The following PCDHGA9 variants were observed in gnomAD, a reference collection of about 807,000 sequenced individuals.
The protein encoded by PCDHGA9 is protocadherin gamma subfamily A, 9, also known as protocadherin gamma-A9.
Under a neutral mutation model 62.5 loss-of-function variants are expected in PCDHGA9, and 37 were observed. The ratio of observed to expected loss-of-function variants is 0.59; its 90% CI spans 0.46 to 0.78. PCDHGA9 has a LOEUF of 0.78. Among genes scored for constraint, PCDHGA9 ranks in the 30% least tolerant of loss-of-function variants. The pLI is 0.00. For synonymous variants in PCDHGA9, 459 were observed against 484.6 expected (o/e 0.95, Z 0.69); for missense variants, 1,138 against 1,166.2 (o/e 0.98, Z 0.35).
At chr5:141,420,417 A>C (rs112493756) in intron 1 of PCDHGA9, 20 of 1,211,742 alleles carry the variant, frequency 1.7e-5, no homozygotes, top group Admixed American at 1.1e-4. Flanking sequence ...ATCATTATTA[A>C]AACAAAAGTT....
At position 141,511,032 on chromosome 5, in the gene PCDHGA9, G is replaced by T. The variant is rs779589499; in HGVS notation, c.2658G>T (p.Gln886His). 6.2e-7 allele frequency: 1 copy of T among 1,614,228 alleles called. No individual in the cohort carries two copies. Among genetic ancestry groups the T allele is most frequent in the South Asian group, 1.1e-5 (1 of 91,090 alleles). ...GCTACGGACCCCAGTTCACCCTGCAGCACGTGCCCGACTACCGCCAGAATG... is the reference window on the plus strand; with the variant it reads ...GCTACGGACCCCAGTTCACCCTGCATCACGTGCCCGACTACCGCCAGAATG... ...SARYGPQFTLQHVPDYRQNVY... is the reference protein window; with the variant it reads ...SARYGPQFTLHHVPDYRQNVY... Residue 886 changes from glutamine (Q) to histidine (H), a missense_variant, in exon 4 of 4, where the codon CAG (glutamine) becomes CAT (histidine). Gln to His is a conservative substitution (Grantham distance 24, BLOSUM62 0). Coordinates refer to ENST00000573521, the MANE Select transcript of PCDHGA9 (RefSeq NM_018921.3).
chr5:141,435,853 T>C (rs1034164236), intron 1 of PCDHGA9, among the ~76,000 whole-genome samples: 1 of 152,110 alleles, frequency 6.6e-6, no homozygotes, highest in African/African-American at 2.4e-5. Context: ...AAAGATACAA[T>C]AGTTAAAACC....
intron 1 of PCDHGA9, chr5:141,413,459 A>C: frequency 1.9e-6 from 3 of 1,614,080 alleles, no homozygotes; most frequent in Non-Finnish European, 2.5e-6. Flanking sequence ...GGCAGGATAG[A>C]CCGGGAGGAG....
At chr5:141,433,082 T>C in intron 1 of PCDHGA9, 1 of 1,614,188 alleles carries the variant, frequency 6.2e-7, no homozygotes. Flanking sequence ...CCAGCCCAAC[T>C]ATGCAGACAT....
chr5:141,442,232 T>A (rs1303447766), intron 1 of PCDHGA9: 2 of 153,276 alleles, frequency 1.3e-5, no homozygotes, highest in Non-Finnish European at 2.9e-5. Context: ...TTCCTTTTTA[T>A]TCTTCCTGAT....
At chr5:141,413,355 C>G in intron 1 of PCDHGA9, 1 of 1,613,952 alleles carries the variant, frequency 6.2e-7, no homozygotes, top group Non-Finnish European at 8.5e-7. Context: ...GTCTGGCGCC[C>G]CGGGAGCTGG....
chr5:141,409,759 C>A, intron 1 of PCDHGA9: 1 of 1,612,958 alleles, frequency 6.2e-7, no homozygotes, highest in Non-Finnish European at 8.5e-7. Flanking sequence ...CGCAGCGCGC[C>A]TTTGATCACG....
intron 2 of PCDHGA9, among the ~76,000 whole-genome samples, chr5:141,498,828 G>C (rs2099786098): frequency 6.6e-6 from 1 of 152,092 alleles, no homozygotes; most frequent in Non-Finnish European, 1.5e-5. Flanking sequence ...AGCTACTCAG[G>C]AGGCTGAGGC....
chr5:141,466,278 T>G (rs1459665755), intron 1 of PCDHGA9, among the ~76,000 whole-genome samples: 1 of 152,128 alleles, frequency 6.6e-6, no homozygotes, highest in Non-Finnish European at 1.5e-5. Context: ...TCAAGCAATC[T>G]TCCCACCTCA....
chr5:141,419,578 G>C (rs1339676992), intron 1 of PCDHGA9: 1 of 1,611,722 alleles, frequency 6.2e-7, no homozygotes. Flanking sequence ...ACGGCTCCGC[G>C]CTCTTCGACA....
chr5:141,489,571 G>A lies in PCDHGA9; in HGVS notation c.2425-5236G>A, dbSNP rs1206848223. The A allele has an allele frequency of 1.9e-6, 3 of 1,613,884 alleles. No individual in the cohort carries two copies. The highest frequency in any genetic ancestry group is 2.2e-5 in the South Asian group (2 of 91,070). On this transcript the variant is annotated intron_variant, in intron 1 of 3. Transcript: ENST00000573521. The surrounding 1 kb of genome is among the most constrained non-coding windows in gnomAD (Gnocchi z 4.5). ...CCTGCTGCCAGTGCAGGTGGTGACT[G>A]AACACCCCCTGGAGCTAATCCGTGT...
At chr5:141,441,718 C>A in intron 1 of PCDHGA9, 1 of 344,940 alleles carries the variant, frequency 2.9e-6, no homozygotes, top group Non-Finnish European at 5.7e-6. Flanking sequence ...ACGCTGCAGG[C>A]CCGCGACCAG....
intron 1 of PCDHGA9, among the ~76,000 whole-genome samples, chr5:141,461,958 G>C (rs1048690044): frequency 4.5e-4 from 69 of 152,272 alleles, no homozygotes; most frequent in Non-Finnish European, 2.9e-4. Context: ...TGAGTAGCTG[G>C]GATTCCAGGC....
Position 141,477,176 on chromosome 5 carries a change from G to A in PCDHGA9, c.2425-17631G>A. ...GAATGACAACGCCCCGGAGATCACA[G>A]TCACCTCCGTGTACAGCCCAGTACC... On this transcript the variant is annotated intron_variant, in intron 1 of 3. Transcript: ENST00000573521. The surrounding 1 kb of genome is among the most constrained non-coding windows in gnomAD (Gnocchi z 4.9). 2 of 1,614,206 alleles carry A rather than the reference G, an allele frequency of 1.2e-6. No individual in the cohort carries two copies. Among genetic ancestry groups the A allele is most frequent in the Admixed American group, 1.7e-5 (1 of 60,024 alleles).
At chr5:141,460,341 C>T (rs557699438) in intron 1 of PCDHGA9, among the ~76,000 whole-genome samples, 39 of 152,110 alleles carry the variant, frequency 2.6e-4, no homozygotes, top group Admixed American at 2.4e-3. Flanking sequence ...ATGATTTTCT[C>T]CTATATTTTC....
chr5:141,404,157 A>G lies in PCDHGA9; in HGVS notation c.1205A>G (p.Tyr402Cys), dbSNP rs746450194. Residue 402 changes from tyrosine (Y) to cysteine (C), a missense_variant, in exon 1 of 4, where the codon TAC (tyrosine) becomes TGC (cysteine). Tyr to Cys is a radical substitution (Grantham distance 194). Coordinates refer to ENST00000573521, the MANE Select transcript of PCDHGA9 (RefSeq NM_018921.3). ...FTLENSEEDY[Y>C]RLLTAQILDR... ...TTAGAAAATTCAGAAGAAGATTATT[A>G]CAGATTGTTGACGGCCCAAATTCTT... 7.4e-6 allele frequency: 12 copies of G among 1,613,094 alleles called. No individual in the cohort carries two copies. Among genetic ancestry groups the G allele is most frequent in the Non-Finnish European group, 5.9e-6 (7 of 1,179,404 alleles).
In PCDHGA9 at chr5:141,477,850, G is replaced by C. The variant is rs2099420608; in HGVS notation, c.2425-16957G>C. On this transcript the variant is annotated intron_variant, in intron 1 of 3. Coordinates refer to ENST00000573521, the MANE Select transcript of PCDHGA9 (RefSeq NM_018921.3). The surrounding 1 kb of genome is among the most constrained non-coding windows in gnomAD (Gnocchi z 4.9). Reference sequence around the variant, plus strand: ...CTCGGCCAGGTGGGAGCTCGGTGGAGATGCTGCCTCGAGGTACCTCAGCTG... The same window carrying C: ...CTCGGCCAGGTGGGAGCTCGGTGGACATGCTGCCTCGAGGTACCTCAGCTG... 6.2e-6 allele frequency: 10 copies of C among 1,613,328 alleles called. No individual in the cohort carries two copies. Among genetic ancestry groups the C allele is most frequent in the Non-Finnish European group, 7.6e-6 (9 of 1,179,812 alleles).
chr5:141,487,123 T>C lies in PCDHGA9; in HGVS notation c.2425-7684T>C. 6.2e-7 allele frequency: 1 copy of C among 1,614,086 alleles called. No homozygotes were observed. The highest frequency in any genetic ancestry group is 1.1e-5 in the South Asian group (1 of 91,082). On this transcript the variant is annotated intron_variant, in intron 1 of 3. Coordinates refer to ENST00000573521, the MANE Select transcript of PCDHGA9 (RefSeq NM_018921.3). The surrounding 1 kb of genome is among the most constrained non-coding windows in gnomAD (Gnocchi z 5.0). ...AGCTGGTCATTGTGGTAAAGGATAG[T>C]GGTAGTCCACCACTCTCTACCTCTG...
At chr5:141,456,819 C>A (rs1453433865) in intron 1 of PCDHGA9, among the ~76,000 whole-genome samples, 1 of 151,982 alleles carries the variant, frequency 6.6e-6, no homozygotes, top group Non-Finnish European at 1.5e-5. Flanking sequence ...AAAAAATTAG[C>A]CATCGTGGTA....
Sources: gnomAD v4.1 joint callset for allele counts (sites outside exome capture counted in the v4.1 genomes callset) on GRCh38, gnomAD v4.1.1 for gene constraint, Gnocchi (gnomAD v3.1) non-coding constraint, MANE v1.5 for transcripts, NCBI Gene and HGNC (gene_info 2026-07-23, HGNC 2026-07-21) for gene names.